Variants in CADM2 observed in about 807,000 individuals in gnomAD.
CADM2 encodes the protein immunoglobulin superfamily member 4D.
Under a neutral mutation model 49.8 loss-of-function variants are expected in CADM2, and 12 were observed. The observed-to-expected ratio is 0.24, with a 90% CI of 0.15 to 0.39. The LOEUF (loss-of-function observed/expected upper bound fraction) is 0.39, where lower values mean the gene tolerates loss of function less well. CADM2 is among the 10% of genes least tolerant of loss of function. The probability of loss-of-function intolerance (pLI) is 1.00; values close to 1 mark genes in which losing one functional copy is unlikely to be tolerated. For synonymous variants in CADM2, 214 were observed against 175.4 expected, an observed-to-expected ratio of 1.22 and a Z score of -1.74; for missense variants, 378 against 492.3, an observed-to-expected ratio of 0.77 and a Z score of 2.20.
intron 1 of CADM2, among the ~76,000 whole-genome samples, chr3:85,300,696 G>A (rs1462570242): frequency 3.9e-5 from 6 of 152,048 alleles, no homozygotes; most frequent in African/African-American, 1.4e-4. Context: ...GCGTGCATAT[G>A]GCACGTTCAT....
chr3:85,807,762 G>T (rs2072544366), intron 3 of CADM2, among the ~76,000 whole-genome samples: 1 of 152,006 alleles, frequency 6.6e-6, no homozygotes, highest in Admixed American at 6.6e-5. Flanking sequence ...AATTCTAGAT[G>T]CTGATTCACT....
intron 8 of CADM2, among the ~76,000 whole-genome samples, chr3:85,976,379 C>A (rs530225291): frequency 2.0e-5 from 3 of 151,662 alleles, no homozygotes; most frequent in South Asian, 4.1e-4. Flanking sequence ...ACGTTTCATA[C>A]AACTGTTCTG....
chr3:85,597,667 A>G (rs897200058), intron 1 of CADM2, among the ~76,000 whole-genome samples: 1 of 152,082 alleles, frequency 6.6e-6, no homozygotes, highest in African/African-American at 2.4e-5. Flanking sequence ...AGAATGTACT[A>G]TTTTGAATCA....
intron 1 of CADM2, among the ~76,000 whole-genome samples, chr3:85,529,596 A>G (rs2061249491): frequency 6.6e-6 from 1 of 152,106 alleles, no homozygotes; most frequent in Admixed American, 6.6e-5. Flanking sequence ...AAACTCTTCA[A>G]CGATTACTCA....
intron 2 of CADM2, among the ~76,000 whole-genome samples, chr3:85,772,797 TC>T (rs2070158072): frequency 6.8e-6 from 1 of 146,866 alleles, no homozygotes; most frequent in Non-Finnish European, 1.5e-5. Context: ...AGCTATGTTT[TC>T]TTTTTTTTTT....
chr3:85,665,726 A>G (rs893045955), intron 1 of CADM2, among the ~76,000 whole-genome samples: 14 of 151,958 alleles, frequency 9.2e-5, no homozygotes, highest in African/African-American at 3.1e-4. Context: ...TGTCACTTCA[A>G]ACTTTTGCTT....
At chr3:85,344,191 C>A (rs1165024090) in intron 1 of CADM2, among the ~76,000 whole-genome samples, 1 of 150,896 alleles carries the variant, frequency 6.6e-6, no homozygotes, top group African/African-American at 2.4e-5. Flanking sequence ...TTGGCTAACA[C>A]GGTGAAACCC....
intron 1 of CADM2, among the ~76,000 whole-genome samples, chr3:85,397,799 A>G (rs2034869444): frequency 6.6e-6 from 1 of 152,164 alleles, no homozygotes; most frequent in African/African-American, 2.4e-5. Context: ...AAGTTCTGAA[A>G]ATGGATAGTG....
At chr3:85,499,750 A>G (rs766279670) in intron 1 of CADM2, among the ~76,000 whole-genome samples, 11 of 152,046 alleles carry the variant, frequency 7.2e-5, no homozygotes, top group Non-Finnish European at 1.3e-4. Context: ...GACATTATTG[A>G]TGGAGCAACC....
intron 1 of CADM2, among the ~76,000 whole-genome samples, chr3:85,357,619 A>T (rs966751756): frequency 6.6e-6 from 1 of 152,064 alleles, no homozygotes; most frequent in Non-Finnish European, 1.5e-5. Flanking sequence ...GCAAAATTAG[A>T]TCTTCAGCCC....
chr3:85,191,328 T>C (rs2041201761), intron 1 of CADM2, among the ~76,000 whole-genome samples: 2 of 152,030 alleles, frequency 1.3e-5, no homozygotes, highest in African/African-American at 2.4e-5. Flanking sequence ...AACAAATATA[T>C]ATTGCTTATA....
intron 3 of CADM2, among the ~76,000 whole-genome samples, chr3:85,825,820 T>C (rs1395843854): frequency 2.6e-5 from 4 of 152,066 alleles, no homozygotes; most frequent in African/African-American, 9.7e-5. Flanking sequence ...AATTATATAT[T>C]GGTGAATTCT....
intron 2 of CADM2, among the ~76,000 whole-genome samples, chr3:85,745,827 C>T (rs1451571825): frequency 1.3e-5 from 2 of 152,012 alleles, no homozygotes; most frequent in Non-Finnish European, 1.5e-5. Context: ...ACTTCTGAAT[C>T]GTGTTGAATA....
chr3:84,960,312 A>G (rs1258404697), intron 1 of CADM2: 2 of 152,220 alleles, frequency 1.3e-5, no homozygotes, highest in Non-Finnish European at 2.9e-5. Flanking sequence ...TTTAAAAAAA[A>G]AGAAAAGAAA....
At chr3:85,845,921 A>G (rs920047248) in intron 3 of CADM2, among the ~76,000 whole-genome samples, 10 of 152,064 alleles carry the variant, frequency 6.6e-5, no homozygotes, top group African/African-American at 2.4e-4. Flanking sequence ...ATTGGGCTAC[A>G]CTGGTGGCCT....
At chr3:85,323,503 T>G (rs1254860610) in intron 1 of CADM2, among the ~76,000 whole-genome samples, 3 of 152,162 alleles carry the variant, frequency 2.0e-5, no homozygotes, top group Non-Finnish European at 4.4e-5. Flanking sequence ...TATCAACAGT[T>G]CAAATCACTT....
chr3:85,153,627 C>G (rs1022937553), intron 1 of CADM2, among the ~76,000 whole-genome samples: 1 of 152,188 alleles, frequency 6.6e-6, no homozygotes, highest in Non-Finnish European at 1.5e-5. Context: ...GGCTCCATCT[C>G]TGGGGGCAGG....
chr3:85,483,628 T>C (rs2039302464), intron 1 of CADM2, among the ~76,000 whole-genome samples: 1 of 150,370 alleles, frequency 6.7e-6, no homozygotes, highest in Admixed American at 6.7e-5. Flanking sequence ...GTATAGTATT[T>C]ATGTAGTCAA....
chr3:85,807,597 G>T (rs2072530821), intron 3 of CADM2, among the ~76,000 whole-genome samples: 1 of 151,734 alleles, frequency 6.6e-6, no homozygotes, highest in Non-Finnish European at 1.5e-5. Flanking sequence ...TTCCATATCT[G>T]GGCTGAGCTG....
Sources: gnomAD v4.1 joint callset for allele counts (sites outside exome capture counted in the v4.1 genomes callset) on GRCh38, gnomAD v4.1.1 for gene constraint, MANE v1.5 for transcripts, NCBI Gene and HGNC (gene_info 2026-07-23, HGNC 2026-07-21) for gene names.